Variants in XPR1 observed in about 807,000 individuals in gnomAD.
The protein encoded by XPR1 is solute carrier family 53 member 1.
Under a neutral mutation model 87.5 loss-of-function variants are expected in XPR1, and 28 were observed. That is an observed-to-expected ratio of 0.32 (90% CI 0.24 to 0.44). The LOEUF is 0.44. Ranked by LOEUF, XPR1 falls within the 20% of genes least tolerant of loss-of-function variation. XPR1 has a pLI of 1.00. For missense variants in XPR1, 559 were observed against 862.3 expected, an observed-to-expected ratio of 0.65 and a Z score of 4.41; for synonymous variants, 300 against 306.1, an observed-to-expected ratio of 0.98 and a Z score of 0.21.
At chr1:180,804,125 A>G (rs1649897492) in intron 4 of XPR1, among the ~76,000 whole-genome samples, 1 of 152,218 alleles carries the variant, frequency 6.6e-6, no homozygotes, top group Middle Eastern at 3.4e-3. Context: ...AGCTGGGATT[A>G]CAGGCGCACG....
At chr1:180,679,406 GCTAAAAATT>G (rs1656485395) in intron 1 of XPR1, among the ~76,000 whole-genome samples, 1 of 152,158 alleles carries the variant, frequency 6.6e-6, no homozygotes, top group East Asian at 1.9e-4. Context: ...CGGGAATGCT[GCTAAAAATT>G]CTATAATGCG....
intron 1 of XPR1, among the ~76,000 whole-genome samples, chr1:180,659,381 G>GTCCTTCCTTCCTTCCT (rs1169616821): frequency 3.6e-5 from 2 of 55,396 alleles, no homozygotes; most frequent in Non-Finnish European, 7.0e-5. Flanking sequence ...CCGTCCTTCC[G>GTCCTTCCTTCCTTCCT]TCCTTCCTTC....
chr1:180,699,065 G>C (rs114559626), intron 2 of XPR1, among the ~76,000 whole-genome samples: 1 of 152,212 alleles, frequency 6.6e-6, no homozygotes, highest in African/African-American at 2.4e-5. Flanking sequence ...GCAAGTCTTG[G>C]AGAGTTTTCA....
In XPR1 at chr1:180,751,272, G is replaced by T. The variant is rs561595311; in HGVS notation, c.122-36481G>T. 1.8e-4 allele frequency among the ~76,000 whole-genome samples: 27 copies of T among 150,752 alleles called. No individual in the cohort carries two copies. In the South Asian group the frequency reaches 5.4e-3, roughly 30 times the overall value. On this transcript the variant is annotated intron_variant, in intron 2 of 14. Coordinates refer to ENST00000367590, the MANE Select transcript of XPR1 (RefSeq NM_004736.4). ...TACTTTTCAACCCACAAACTACAAGGCATTTTATTTATGTATCTTTTGTCT... is the reference window on the plus strand; with the variant it reads ...TACTTTTCAACCCACAAACTACAAGTCATTTTATTTATGTATCTTTTGTCT...
At chr1:180,769,764 T>C (rs975547315) in intron 2 of XPR1, among the ~76,000 whole-genome samples, 1 of 152,212 alleles carries the variant, frequency 6.6e-6, no homozygotes, top group African/African-American at 2.4e-5. Context: ...CTCTTCGATA[T>C]GCTAATTTCC....
At chr1:180,801,305 G>T (rs935593701) in intron 3 of XPR1, among the ~76,000 whole-genome samples, 1 of 152,212 alleles carries the variant, frequency 6.6e-6, no homozygotes, top group African/African-American at 2.4e-5. Context: ...AATGAAGGGA[G>T]TATTTTCTGG....
intron 2 of XPR1, among the ~76,000 whole-genome samples, chr1:180,749,125 C>G (rs1435646205): frequency 6.6e-6 from 1 of 152,224 alleles, no homozygotes. Flanking sequence ...TGTTTTGAGT[C>G]TGAGAGAGTC....
Position 180,873,684 on chromosome 1 carries a change from G to T in XPR1, c.1669-119G>T. The T allele has an allele frequency of 3.7e-6, 4 of 1,089,698 alleles. No individual in the cohort carries two copies. In the South Asian group the frequency reaches 7.4e-5, roughly 20 times the overall value. The allele number at this position is 1,089,698 out of a possible 1,614,324, so 67.5% of individuals were successfully genotyped here. On this transcript the variant is annotated intron_variant, in intron 12 of 14. Coordinates refer to ENST00000367590, the MANE Select transcript of XPR1 (RefSeq NM_004736.4). ...CAAAATAAAGTACAACTTTCCTCTT[G>T]AGCCTGTGCTTATTCGTAGGACATG...
chr1:180,710,492 A>G (rs1448554984), intron 2 of XPR1, among the ~76,000 whole-genome samples: 2 of 152,172 alleles, frequency 1.3e-5, no homozygotes, highest in Non-Finnish European at 2.9e-5. Flanking sequence ...GACACAGCAC[A>G]TGTTTCAGAG....
chr1:180,815,578 A>G (rs1650378633), intron 7 of XPR1, among the ~76,000 whole-genome samples: 1 of 152,190 alleles, frequency 6.6e-6, no homozygotes, highest in Non-Finnish European at 1.5e-5. Context: ...TCAAGGGGAC[A>G]TGACCTAGTA....
At chr1:180,785,719 T>C (rs1393755552) in intron 2 of XPR1, among the ~76,000 whole-genome samples, 1 of 151,996 alleles carries the variant, frequency 6.6e-6, no homozygotes, top group African/African-American at 2.4e-5. Context: ...TCTATTGCTT[T>C]ATGTTAATAA....
At chr1:180,663,847 T>G (rs915871060) in intron 1 of XPR1, among the ~76,000 whole-genome samples, 3 of 152,308 alleles carry the variant, frequency 2.0e-5, no homozygotes, top group East Asian at 1.9e-4. Flanking sequence ...GAGCAGGCGC[T>G]GAAACCATTG....
chr1:180,875,329 G>A (rs897780897), intron 13 of XPR1, among the ~76,000 whole-genome samples: 20 of 151,830 alleles, frequency 1.3e-4, no homozygotes, highest in African/African-American at 4.8e-4. Flanking sequence ...GGGCAACATG[G>A]CAAAACACAT....
At chr1:180,815,087 G>A (rs962316872) in intron 7 of XPR1, among the ~76,000 whole-genome samples, 1 of 152,014 alleles carries the variant, frequency 6.6e-6, no homozygotes, top group African/African-American at 2.4e-5. Context: ...GGTATATATG[G>A]TGGGGGTTGT....
At chr1:180,764,754 G>A (rs112876026) in intron 2 of XPR1, among the ~76,000 whole-genome samples, 2,497 of 150,662 alleles carry the variant, frequency 0.017, 76 homozygotes, top group African/African-American at 0.056. Context: ...ACAGGTATGA[G>A]CCACCGTGCC....
chr1:180,788,833 G>A (rs559839352), intron 3 of XPR1, among the ~76,000 whole-genome samples: 1 of 152,090 alleles, frequency 6.6e-6, no homozygotes, highest in African/African-American at 2.4e-5. Flanking sequence ...TCATAAACCA[G>A]GTATTAGTGT....
chr1:180,782,977 G>A (rs1648998446), intron 2 of XPR1, among the ~76,000 whole-genome samples: 1 of 151,882 alleles, frequency 6.6e-6, no homozygotes, highest in Non-Finnish European at 1.5e-5. Flanking sequence ...CTCCAATTCA[G>A]AGTTACTGAT....
At chr1:180,645,901 A>G (rs747486662) in intron 1 of XPR1, among the ~76,000 whole-genome samples, 4 of 152,224 alleles carry the variant, frequency 2.6e-5, no homozygotes, top group Non-Finnish European at 4.4e-5. Flanking sequence ...CTGTCCATGC[A>G]TATACCAACA....
chr1:180,788,592 A>T (rs7542521), intron 3 of XPR1, among the ~76,000 whole-genome samples: 6,502 of 152,266 alleles, frequency 0.043, 498 homozygotes, highest in African/African-American at 0.15. Flanking sequence ...ACCGCCAGAT[A>T]TACAGCCTAA....
Sources: allele counts gnomAD v4.1 joint callset (sites outside exome capture counted in the v4.1 genomes callset), GRCh38; gene constraint gnomAD v4.1.1; transcripts MANE v1.5; gene names NCBI Gene and HGNC (gene_info 2026-07-23, HGNC 2026-07-21).